RBFOX1: variants seen among roughly 807,000 people sequenced by gnomAD.
RBFOX1 encodes RNA binding fox-1 homolog 1.
In RBFOX1, 8 loss-of-function variants were observed where a neutral mutation model predicts 57.7. That is an observed-to-expected ratio of 0.14 (90% CI 0.08 to 0.25). The LOEUF is 0.25. RBFOX1 is among the 10% of genes least tolerant of loss of function. RBFOX1 has a pLI of 1.00. For missense variants in RBFOX1, 611 were observed against 548.5 expected (o/e 1.11, Z -1.14); for synonymous variants, 326 against 222.4 (o/e 1.47, Z -4.15).
chr16:7,245,300 G>T (rs2094244843), intron 4 of RBFOX1, among the ~76,000 whole-genome samples: 1 of 151,934 alleles, frequency 6.6e-6, no homozygotes, highest in Non-Finnish European at 1.5e-5. Flanking sequence ...ATTATCTTTT[G>T]TTTCCTGTAC....
chr16:7,519,418 G>A (rs981328530), intron 5 of RBFOX1, among the ~76,000 whole-genome samples: 1 of 152,084 alleles, frequency 6.6e-6, no homozygotes, highest in African/African-American at 2.4e-5. Context: ...GACTTTATAC[G>A]CCATAAAGAG....
rs1170349434 is a variant in RBFOX1 at position 6,347,022 on chromosome 16, T to C, written c.-64+29965T>C. On this transcript the variant is annotated intron_variant, in intron 2 of 15. Transcript: ENST00000550418. The stretch of plus-strand genomic sequence containing the variant: ...TTTACATTGAATAAAGATCATGATA[T>C]TATAGTTTAGAATAGATGGACAGAG... 4.6e-5 allele frequency among the ~76,000 whole-genome samples: 7 copies of C among 152,168 alleles called. No homozygotes were observed. The East Asian group carries it at 1.3e-3, about 29-fold the overall frequency.
chr16:6,820,388 C>T (rs1159297620), intron 3 of RBFOX1, among the ~76,000 whole-genome samples: 2 of 152,168 alleles, frequency 1.3e-5, no homozygotes, highest in Non-Finnish European at 2.9e-5. Flanking sequence ...AGGCCCAACA[C>T]AGTGGCTCCT....
chr16:5,468,909 C>T (rs781668685), intron 2 of RBFOX1, among the ~76,000 whole-genome samples: 11 of 152,232 alleles, frequency 7.2e-5, no homozygotes, highest in African/African-American at 2.2e-4. Context: ...CTTCCCGCCC[C>T]GTCCCTTAGC....
chr16:6,449,835 C>A (rs1213691169), intron 2 of RBFOX1, among the ~76,000 whole-genome samples: 1 of 152,160 alleles, frequency 6.6e-6, no homozygotes, highest in African/African-American at 2.4e-5. Flanking sequence ...GCCCCACTGC[C>A]CCCTGAATCT....
chr16:5,648,626 C>T (rs751066868), intron 3 of RBFOX1, among the ~76,000 whole-genome samples: 3 of 151,956 alleles, frequency 2.0e-5, no homozygotes, highest in Non-Finnish European at 4.4e-5. Context: ...TTACCCAACA[C>T]GTCAAGAGTT....
intron 3 of RBFOX1, among the ~76,000 whole-genome samples, chr16:6,715,322 T>C (rs772755139): frequency 2.0e-5 from 3 of 152,064 alleles, no homozygotes; most frequent in Admixed American, 6.6e-5. Flanking sequence ...AAAACTGCCT[T>C]AGATTCTGGG....
At chr16:6,807,843 T>A (rs2087258202) in intron 3 of RBFOX1, among the ~76,000 whole-genome samples, 1 of 151,782 alleles carries the variant, frequency 6.6e-6, no homozygotes, top group South Asian at 2.1e-4. Flanking sequence ...TATATATAGT[T>A]CTATTGAATA....
At chr16:7,171,022 C>G (rs548622854) in intron 4 of RBFOX1, among the ~76,000 whole-genome samples, 1 of 152,314 alleles carries the variant, frequency 6.6e-6, no homozygotes, top group African/African-American at 2.4e-5. Flanking sequence ...CCCTCTGCCT[C>G]TCACCTGCGA....
chr16:6,915,649 C>G (rs2072969199), intron 3 of RBFOX1, among the ~76,000 whole-genome samples: 2 of 147,808 alleles, frequency 1.4e-5, no homozygotes, highest in South Asian at 2.3e-4. Context: ...CTCTCGGGTT[C>G]AAGTGATCCT....
At position 6,035,826 on chromosome 16, in the gene RBFOX1, C is replaced by G. The variant is rs200944984; in HGVS notation, c.-127+15834C>G. Reference sequence around the variant, plus strand: ...CCTTTTTGGCTGAGAAGAAGGATTACGCTTTCCAAAGAGGCAAGCTTATCA... The same window carrying G: ...CCTTTTTGGCTGAGAAGAAGGATTAGGCTTTCCAAAGAGGCAAGCTTATCA... On this transcript the variant is annotated intron_variant, in intron 1 of 15. Transcript: ENST00000550418. Among the ~76,000 whole-genome samples the G allele has an allele frequency of 2.0e-5, 3 of 152,262 alleles. No individual in the cohort carries two copies. The East Asian group carries it at 5.8e-4, about 29-fold the overall frequency.
At chr16:5,899,277 C>G (rs929989852) in intron 4 of RBFOX1, among the ~76,000 whole-genome samples, 9 of 151,720 alleles carry the variant, frequency 5.9e-5, no homozygotes, top group Non-Finnish European at 1.2e-4. Flanking sequence ...GGAAAGAGAT[C>G]TCAAAGGATC....
At position 7,421,907 on chromosome 16, in the gene RBFOX1, C is replaced by T. The variant is rs542826051; in HGVS notation, c.28-96240C>T. 1.6e-4 allele frequency among the ~76,000 whole-genome samples: 24 copies of T among 152,242 alleles called. No individual in the cohort carries two copies. The East Asian group carries it at 3.3e-3, about 21-fold the overall frequency. ...GAAGTGAGCCCTTAAAAGTCATTTTCGGGTAGGAAGTGTACACACATTATT... is the reference window on the plus strand; with the variant it reads ...GAAGTGAGCCCTTAAAAGTCATTTTTGGGTAGGAAGTGTACACACATTATT... On this transcript the variant is annotated intron_variant, in intron 4 of 15. Transcript: ENST00000550418.
At chr16:6,159,176 A>G (rs1383680954) in intron 1 of RBFOX1, among the ~76,000 whole-genome samples, 1 of 152,182 alleles carries the variant, frequency 6.6e-6, no homozygotes, top group African/African-American at 2.4e-5. Context: ...TCCCAGGTTC[A>G]AGCGACTCTC....
intron 3 of RBFOX1, among the ~76,000 whole-genome samples, chr16:6,795,568 C>G (rs192451157): frequency 1.3e-5 from 2 of 151,938 alleles, no homozygotes; most frequent in African/African-American, 4.8e-5. Context: ...AAGTTCAAGA[C>G]CAGCCTGGCC....
intron 4 of RBFOX1, among the ~76,000 whole-genome samples, chr16:6,006,939 C>T (rs1329059022): frequency 1.3e-5 from 2 of 152,176 alleles, no homozygotes; most frequent in Non-Finnish European, 2.9e-5. Flanking sequence ...TCCCATATCT[C>T]TGCCATCCAT....
At chr16:7,249,698 A>T (rs2153012011) in intron 4 of RBFOX1, among the ~76,000 whole-genome samples, 2 of 151,802 alleles carry the variant, frequency 1.3e-5, no homozygotes, top group East Asian at 3.9e-4. Context: ...TATTTTTGGC[A>T]CAGTCCCAAT....
chr16:6,739,436 C>G (rs902699549), intron 3 of RBFOX1, among the ~76,000 whole-genome samples: 3 of 152,022 alleles, frequency 2.0e-5, no homozygotes, highest in African/African-American at 7.2e-5. Flanking sequence ...TTTGAATGAC[C>G]CTATAACTAT....
At chr16:5,379,599 T>C (rs962646834) in intron 1 of RBFOX1, among the ~76,000 whole-genome samples, 1 of 152,202 alleles carries the variant, frequency 6.6e-6, no homozygotes, top group African/African-American at 2.4e-5. Context: ...ACTTAATCTC[T>C]GTGTGGTCTT....
Sources: allele counts gnomAD v4.1 joint callset (sites outside exome capture counted in the v4.1 genomes callset), GRCh38; gene constraint gnomAD v4.1.1; transcripts MANE v1.5; gene names NCBI Gene and HGNC (gene_info 2026-07-23, HGNC 2026-07-21).